Variants in PTPRK observed in about 807,000 individuals in gnomAD.
PTPRK encodes the protein receptor-type tyrosine-protein phosphatase kappa.
In PTPRK, 75 loss-of-function variants were observed where a neutral mutation model predicts 178.0. That is an observed-to-expected ratio of 0.42 (90% CI 0.35 to 0.51). The LOEUF is 0.51. Among genes scored for constraint, PTPRK ranks in the 20% least tolerant of loss-of-function variants. The pLI, the probability that PTPRK is intolerant of heterozygous loss-of-function variation, is 0.02. For missense variants in PTPRK, 1,441 were observed against 1,797.8 expected (o/e 0.80, Z 3.59); for synonymous variants, 637 against 620.6 (o/e 1.03, Z -0.39).
chr6:128,026,321 A>G (rs1774287699), intron 13 of PTPRK, among the ~76,000 whole-genome samples: 1 of 152,208 alleles, frequency 6.6e-6, no homozygotes, highest in African/African-American at 2.4e-5. Flanking sequence ...TCCTATTTGT[A>G]TATGTGTAAA....
chr6:127,976,871 C>G (rs556302643), intron 26 of PTPRK, 52 bp downstream of exon 26: 2 of 1,611,060 alleles, frequency 1.2e-6, no homozygotes, highest in East Asian at 2.2e-5. Context: ...CAATTCATTA[C>G]TACTCTATTA....
chr6:127,983,844 T>C (rs1775633205), intron 22 of PTPRK, among the ~76,000 whole-genome samples: 1 of 152,062 alleles, frequency 6.6e-6, no homozygotes, highest in Non-Finnish European at 1.5e-5. Context: ...AAAAGAAAAT[T>C]AATTCCCAAA....
At position 128,199,119 on chromosome 6, in the gene PTPRK, C is replaced by T. The variant is rs140081261; in HGVS notation, c.869-14394G>A. On this transcript the variant is annotated intron_variant, in intron 6 of 29. Coordinates refer to ENST00000368226, the MANE Select transcript of PTPRK (RefSeq NM_002844.4). ...GACCTAGCAATTCCGCTTTCAGGTA[C>T]GTGCTACCCCAAAATGATCCCATCT... Among the ~76,000 whole-genome samples, 121 of 152,218 alleles carry T rather than the reference C, an allele frequency of 7.9e-4. 2 individuals are homozygous for T. In the East Asian group the frequency reaches 0.019, roughly 24 times the overall value.
chr6:128,331,512 TA>T (rs933804105), intron 2 of PTPRK, among the ~76,000 whole-genome samples: 7 of 151,938 alleles, frequency 4.6e-5, no homozygotes, highest in African/African-American at 1.2e-4. Flanking sequence ...GAAATGATAA[TA>T]AGCAAAATTT....
chr6:128,480,322 C>T (rs1166597660), intron 1 of PTPRK, among the ~76,000 whole-genome samples: 6 of 152,090 alleles, frequency 3.9e-5, no homozygotes, highest in African/African-American at 1.4e-4. Context: ...GCTCTTCTTC[C>T]CCCAACAATA....
At chr6:128,346,997 T>C (rs1156619309) in intron 2 of PTPRK, among the ~76,000 whole-genome samples, 1 of 152,120 alleles carries the variant, frequency 6.6e-6, no homozygotes, top group Non-Finnish European at 1.5e-5. Context: ...GATTTGCCTG[T>C]TTACTGAGAG....
intron 3 of PTPRK, among the ~76,000 whole-genome samples, chr6:128,282,942 A>T (rs1821907299): frequency 6.6e-6 from 1 of 152,180 alleles, no homozygotes; most frequent in Non-Finnish European, 1.5e-5. Context: ...GCAGAAAGAG[A>T]TTAGAGGGCA....
chr6:128,379,560 T>C (rs1049476326), intron 2 of PTPRK, among the ~76,000 whole-genome samples: 2 of 152,230 alleles, frequency 1.3e-5, no homozygotes, highest in African/African-American at 4.8e-5. Flanking sequence ...AATCTGTCCA[T>C]GTCATGTGGT....
chr6:128,314,312 T>C (rs952883072), intron 3 of PTPRK, among the ~76,000 whole-genome samples: 2 of 152,346 alleles, frequency 1.3e-5, no homozygotes, highest in African/African-American at 2.4e-5. Context: ...CCTGGGACTA[T>C]AGGAACCTTG....
At chr6:128,158,328 G>T (rs916729578) in intron 7 of PTPRK, among the ~76,000 whole-genome samples, 2 of 151,880 alleles carry the variant, frequency 1.3e-5, no homozygotes, top group Non-Finnish European at 2.9e-5. Flanking sequence ...GTTAATGGGT[G>T]CAGAACACCA....
chr6:128,281,362 A>C (rs2128302548), intron 3 of PTPRK, among the ~76,000 whole-genome samples: 1 of 152,334 alleles, frequency 6.6e-6, no homozygotes, highest in African/African-American at 2.4e-5. Context: ...TCTTACGCAT[A>C]TTTTAGGAAG....
chr6:128,279,822 G>A (rs755890479), intron 3 of PTPRK, among the ~76,000 whole-genome samples: 1 of 152,024 alleles, frequency 6.6e-6, no homozygotes, highest in African/African-American at 2.4e-5. Context: ...CACAGCTAAC[G>A]CCCTTATTAT....
At chr6:128,344,578 C>T (rs1465749610) in intron 2 of PTPRK, among the ~76,000 whole-genome samples, 3 of 151,930 alleles carry the variant, frequency 2.0e-5, no homozygotes, top group South Asian at 2.1e-4. Context: ...CAGATCATGG[C>T]GATCATGGCT....
intron 5 of PTPRK, among the ~76,000 whole-genome samples, chr6:128,220,845 G>C (rs1276391015): frequency 3.9e-5 from 6 of 152,132 alleles, no homozygotes. Context: ...GCAATGTATT[G>C]GTAAAATTTG....
chr6:128,001,189 C>T, intron 15 of PTPRK: 4 of 1,528,244 alleles, frequency 2.6e-6, no homozygotes, highest in South Asian at 1.2e-5. Context: ...CTTTGCAATA[C>T]ACTTACCTGT....
chr6:128,249,031 A>C (rs969646261), intron 3 of PTPRK, among the ~76,000 whole-genome samples: 8 of 152,134 alleles, frequency 5.3e-5, no homozygotes, highest in Admixed American at 1.3e-4. Context: ...GGAAATGAGA[A>C]GATGCATAAA....
intron 6 of PTPRK, among the ~76,000 whole-genome samples, chr6:128,186,693 A>G (rs1040511566): frequency 2.6e-5 from 4 of 152,166 alleles, no homozygotes; most frequent in Non-Finnish European, 5.9e-5. Flanking sequence ...AGACAGAGCT[A>G]GACATTTCAT....
rs557001028 is a variant in PTPRK at position 128,177,647 on chromosome 6, T to A, written c.1162+6785A>T. Among the ~76,000 whole-genome samples, 4 of 151,934 alleles carry A rather than the reference T, an allele frequency of 2.6e-5. No homozygotes were observed. In the South Asian group the frequency reaches 8.3e-4, roughly 32 times the overall value. On this transcript the variant is annotated intron_variant, in intron 7 of 29. Coordinates refer to ENST00000368226, the MANE Select transcript of PTPRK (RefSeq NM_002844.4). ...TGATGATACCACCTATAAGGAAATG[T>A]GCCTTGAATTGGGATGTATGACTAA...
chr6:128,266,710 G>T (rs1819008857), intron 3 of PTPRK, among the ~76,000 whole-genome samples: 1 of 152,054 alleles, frequency 6.6e-6, no homozygotes, highest in African/African-American at 2.4e-5. Flanking sequence ...CCAAAGGGAA[G>T]AATCCAAGCA....
Sources: allele counts gnomAD v4.1 joint callset (sites outside exome capture counted in the v4.1 genomes callset), GRCh38; gene constraint gnomAD v4.1.1; transcripts MANE v1.5; gene names NCBI Gene and HGNC (gene_info 2026-07-23, HGNC 2026-07-21).